SPOCK1: variants seen among roughly 807,000 people sequenced by gnomAD.
The protein encoded by SPOCK1 is testican-1.
In SPOCK1, 23 loss-of-function variants were observed where a neutral mutation model predicts 55.3. The observed-to-expected ratio is 0.42, with a 90% CI of 0.30 to 0.59. The LOEUF is 0.59. SPOCK1 is among the 20% of genes least tolerant of loss of function. The pLI is 0.22. For missense variants in SPOCK1, 499 were observed against 552.5 expected, an observed-to-expected ratio of 0.90 and a Z score of 0.97; for synonymous variants, 226 against 221.0, an observed-to-expected ratio of 1.02 and a Z score of -0.20.
intron 6 of SPOCK1, among the ~76,000 whole-genome samples, chr5:136,995,885 C>T (rs908388867): frequency 6.6e-6 from 1 of 152,142 alleles, no homozygotes; most frequent in African/African-American, 2.4e-5. Flanking sequence ...CGAGAGAGAT[C>T]AGAAACCCGA....
intron 2 of SPOCK1, among the ~76,000 whole-genome samples, chr5:137,289,412 G>C (rs539752976): frequency 2.0e-5 from 3 of 152,228 alleles, no homozygotes; most frequent in South Asian, 2.1e-4. Context: ...CAAAGAGTCA[G>C]TGACTCTTTG....
chr5:136,995,878 G>A (rs1751030539), intron 6 of SPOCK1, among the ~76,000 whole-genome samples: 1 of 152,174 alleles, frequency 6.6e-6, no homozygotes, highest in Admixed American at 6.5e-5. Flanking sequence ...TGTGGGTCGA[G>A]AGAGATCAGA....
intron 2 of SPOCK1, among the ~76,000 whole-genome samples, chr5:137,485,265 C>T (rs1296823154): frequency 1.3e-5 from 2 of 152,140 alleles, no homozygotes; most frequent in African/African-American, 2.4e-5. Flanking sequence ...CACTTAAAAC[C>T]AACCATTGTA....
chr5:137,245,350 A>G (rs1034551935), intron 3 of SPOCK1, among the ~76,000 whole-genome samples: 1 of 152,246 alleles, frequency 6.6e-6, no homozygotes, highest in Non-Finnish European at 1.5e-5. Context: ...ATGTAAGTGT[A>G]TCTTTCTATG....
intron 2 of SPOCK1, among the ~76,000 whole-genome samples, chr5:137,393,314 G>A (rs1179634704): frequency 6.6e-6 from 1 of 152,148 alleles, no homozygotes; most frequent in African/African-American, 2.4e-5. Context: ...ACACTAGAGT[G>A]TTTCAGCTAC....
chr5:136,978,322 GT>G lies in SPOCK1; in HGVS notation c.*331del, dbSNP rs1691474949. On this transcript the variant is annotated 3_prime_UTR_variant, in exon 11 of 11. Transcript: ENST00000394945. The stretch of plus-strand genomic sequence containing the variant: ...AAAAGGGTCTTTGACATTTAAGAGG[GT>G]TGGGGCTCCCTGCACTGTCAGAATT... 3.0e-6 allele frequency: 1 copy of G among 331,716 alleles called. No homozygotes were observed. The highest frequency in any genetic ancestry group is 4.5e-5 in the Admixed American group (1 of 22,252). 20.5% of individuals were successfully genotyped at this position (331,716 alleles called of 1,614,324 possible).
Position 137,273,903 on chromosome 5 carries a change from T to C in SPOCK1, c.187-6848A>G, listed in dbSNP as rs138907674. On this transcript the variant is annotated intron_variant, in intron 2 of 10. Transcript: ENST00000394945. Reference sequence around the variant, plus strand: ...ACCTGAGAAAGATATGGATTTATGTTCCTAGGAAATATGTAAAATGAATAG... The same window carrying C: ...ACCTGAGAAAGATATGGATTTATGTCCCTAGGAAATATGTAAAATGAATAG... Among the ~76,000 whole-genome samples, 173 of 152,308 alleles carry C rather than the reference T, an allele frequency of 1.1e-3. 1 individual carries two copies. Among genetic ancestry groups the C allele is most frequent in the African/African-American group, 3.9e-3 (163 of 41,572 alleles).
chr5:137,188,491 G>A (rs2127068667), intron 3 of SPOCK1, among the ~76,000 whole-genome samples: 1 of 152,224 alleles, frequency 6.6e-6, no homozygotes, highest in Non-Finnish European at 1.5e-5. Context: ...GATCTTTGAT[G>A]TTACTATTGT....
intron 2 of SPOCK1, chr5:137,364,801 C>T (rs1016053850): frequency 2.0e-5 from 3 of 152,246 alleles, no homozygotes; most frequent in Admixed American, 6.5e-5. Flanking sequence ...TTAGCCAAAG[C>T]TGTGTCCTAG....
At chr5:137,262,005 C>A (rs1390074497) in intron 3 of SPOCK1, among the ~76,000 whole-genome samples, 2 of 152,072 alleles carry the variant, frequency 1.3e-5, no homozygotes, top group African/African-American at 4.8e-5. Context: ...CCTTCCAAAC[C>A]CTCCAGTGCA....
intron 7 of SPOCK1, among the ~76,000 whole-genome samples, chr5:136,990,596 C>CAA (rs1750931137): frequency 6.6e-6 from 1 of 151,328 alleles, no homozygotes; most frequent in Non-Finnish European, 1.5e-5. Context: ...CATAACGTGG[C>CAA]CCCTTCTTTG....
chr5:137,116,868 TTC>T (rs1385359741), intron 4 of SPOCK1, among the ~76,000 whole-genome samples: 5 of 152,064 alleles, frequency 3.3e-5, no homozygotes, highest in African/African-American at 1.2e-4. Context: ...CATGTGGGTT[TTC>T]CTTGACCCAC....
intron 3 of SPOCK1, among the ~76,000 whole-genome samples, chr5:137,235,859 G>A (rs935520903): frequency 1.1e-4 from 16 of 152,242 alleles, no homozygotes; most frequent in African/African-American, 3.9e-4. Context: ...ATCCGTACAT[G>A]TTAATGTCTG....
intron 3 of SPOCK1, among the ~76,000 whole-genome samples, chr5:137,236,909 T>C (rs1430542107): frequency 1.3e-5 from 2 of 152,148 alleles, no homozygotes; most frequent in Non-Finnish European, 2.9e-5. Flanking sequence ...GGTAAACCCA[T>C]AGCACCCTCA....
chr5:137,319,546 T>G (rs1469132803), intron 2 of SPOCK1, among the ~76,000 whole-genome samples: 1 of 152,222 alleles, frequency 6.6e-6, no homozygotes, highest in Non-Finnish European at 1.5e-5. Flanking sequence ...TAGGATACAC[T>G]TTTATGCAAT....
At chr5:137,114,294 C>T (rs1487798249) in intron 4 of SPOCK1, among the ~76,000 whole-genome samples, 1 of 152,196 alleles carries the variant, frequency 6.6e-6, no homozygotes, top group Non-Finnish European at 1.5e-5. Context: ...TACCTAAAGT[C>T]GTGGAGCTGA....
chr5:137,347,376 C>G (rs1173951345), intron 2 of SPOCK1, among the ~76,000 whole-genome samples: 1 of 152,082 alleles, frequency 6.6e-6, no homozygotes, highest in Non-Finnish European at 1.5e-5. Flanking sequence ...AATGTGAGAT[C>G]TCACACAACC....
intron 2 of SPOCK1, among the ~76,000 whole-genome samples, chr5:137,474,526 C>T (rs1230916615): frequency 6.6e-6 from 1 of 152,194 alleles, no homozygotes; most frequent in Admixed American, 6.5e-5. Context: ...GCGACCTGCA[C>T]ACCCAGCCCC....
At chr5:137,040,213 G>A (rs1751968428) in intron 6 of SPOCK1, among the ~76,000 whole-genome samples, 2 of 152,210 alleles carry the variant, frequency 1.3e-5, no homozygotes, top group South Asian at 4.1e-4. Context: ...GCTGAAGTGG[G>A]CCCACCCAGC....
Sources: gnomAD v4.1 joint callset for allele counts (sites outside exome capture counted in the v4.1 genomes callset) on GRCh38, gnomAD v4.1.1 for gene constraint, MANE v1.5 for transcripts, NCBI Gene and HGNC (gene_info 2026-07-23, HGNC 2026-07-21) for gene names.